The following ZSWIM6 variants were observed in gnomAD, a reference collection of about 807,000 sequenced individuals.
ZSWIM6 encodes zinc finger SWIM-type containing 6, also known as zinc finger SWIM domain-containing protein 6.
ZSWIM6 carries 9 observed loss-of-function variants against 113.2 expected under a neutral mutation model. That is an observed-to-expected ratio of 0.08 (90% CI 0.05 to 0.14). The LOEUF is 0.14. ZSWIM6 is among the 10% of genes least tolerant of loss of function. The pLI is 1.00. For missense variants in ZSWIM6, 1,162 were observed against 1,552.2 expected (o/e 0.75, Z 4.22); for synonymous variants, 611 against 606.5 (o/e 1.01, Z -0.11).
At chr5:61,396,491 A>G (rs982775151) in intron 1 of ZSWIM6, among the ~76,000 whole-genome samples, 3 of 148,318 alleles carry the variant, frequency 2.0e-5, no homozygotes, top group Non-Finnish European at 4.5e-5. Context: ...ACATCGCGCC[A>G]CTGCACTCCA....
At chr5:61,476,148 C>G (rs940562995) in intron 2 of ZSWIM6, among the ~76,000 whole-genome samples, 1 of 151,990 alleles carries the variant, frequency 6.6e-6, no homozygotes, top group African/African-American at 2.4e-5. Context: ...AGGTTTTTCC[C>G]CTTTTTCCTT....
chr5:61,464,961 G>A (rs896855752), intron 1 of ZSWIM6, among the ~76,000 whole-genome samples: 4 of 152,194 alleles, frequency 2.6e-5, no homozygotes, highest in African/African-American at 9.7e-5. Context: ...TGGGACCCAG[G>A]TGAGAGGCCA....
Position 61,523,485 on chromosome 5 carries a change from T to C in ZSWIM6, c.1513+2043T>C, listed in dbSNP as rs1419886988. Among the ~76,000 whole-genome samples the C allele has an allele frequency of 3.9e-5, 6 of 152,332 alleles. No individual in the cohort carries two copies. The South Asian group carries it at 6.2e-4, about 16-fold the overall frequency. On this transcript the variant is annotated intron_variant, in intron 5 of 13. Coordinates refer to ENST00000252744, the MANE Select transcript of ZSWIM6 (RefSeq NM_020928.2). ...TTTTTTTAGTAGAAGAACAAAAATATCTCCTTTTTACTTAATTTCCCAAGT... is the reference window on the plus strand; with the variant it reads ...TTTTTTTAGTAGAAGAACAAAAATACCTCCTTTTTACTTAATTTCCCAAGT...
chr5:61,444,903 C>T (rs896972881), intron 1 of ZSWIM6, among the ~76,000 whole-genome samples: 2 of 152,146 alleles, frequency 1.3e-5, no homozygotes, highest in Non-Finnish European at 2.9e-5. Context: ...TGTCAATATT[C>T]AAGATTTAGC....
intron 3 of ZSWIM6, among the ~76,000 whole-genome samples, chr5:61,491,842 T>C (rs1748186950): frequency 6.6e-6 from 1 of 152,000 alleles, no homozygotes; most frequent in Non-Finnish European, 1.5e-5. Context: ...AGAATTAGAG[T>C]AAATCCTGTT....
At chr5:61,433,878 A>C (rs1382131088) in intron 1 of ZSWIM6, among the ~76,000 whole-genome samples, 1 of 151,598 alleles carries the variant, frequency 6.6e-6, no homozygotes, top group Non-Finnish European at 1.5e-5. Context: ...TTCTGATACA[A>C]ATATCAAACA....
intron 10 of ZSWIM6, 100 bp from the exon 11 acceptor site, chr5:61,538,714 A>C: frequency 7.5e-7 from 1 of 1,336,070 alleles, no homozygotes; most frequent in Non-Finnish European, 1.0e-6. Context: ...TAGAGGCCTG[A>C]ACATCTACCC....
chr5:61,523,147 G>T (rs907671201), intron 5 of ZSWIM6, among the ~76,000 whole-genome samples: 1 of 152,244 alleles, frequency 6.6e-6, no homozygotes, highest in East Asian at 1.9e-4. Context: ...GAAGAGACAT[G>T]CCTACAGAGG....
intron 1 of ZSWIM6, among the ~76,000 whole-genome samples, chr5:61,365,574 T>C (rs1402375958): frequency 6.6e-6 from 1 of 152,232 alleles, no homozygotes; most frequent in East Asian, 1.9e-4. Flanking sequence ...ATATATTTTG[T>C]ATGATCCTTC....
At chr5:61,507,100 C>T (rs1435439794) in intron 4 of ZSWIM6, among the ~76,000 whole-genome samples, 1 of 152,134 alleles carries the variant, frequency 6.6e-6, no homozygotes, top group Non-Finnish European at 1.5e-5. Flanking sequence ...ACCGGCTTCT[C>T]CCCAGTCCCC....
chr5:61,523,320 T>C (rs1482839260), intron 5 of ZSWIM6, among the ~76,000 whole-genome samples: 3 of 152,354 alleles, frequency 2.0e-5, no homozygotes, highest in Non-Finnish European at 4.4e-5. Flanking sequence ...GTTTACACAT[T>C]AGAGTGCATG....
At chr5:61,430,577 T>C (rs1434334207) in intron 1 of ZSWIM6, among the ~76,000 whole-genome samples, 3 of 152,138 alleles carry the variant, frequency 2.0e-5, no homozygotes, top group African/African-American at 4.8e-5. Flanking sequence ...GATTTTTTTT[T>C]CCAACCAAAT....
intron 1 of ZSWIM6, among the ~76,000 whole-genome samples, chr5:61,465,548 G>A (rs1030937697): frequency 1.3e-5 from 2 of 151,682 alleles, no homozygotes; most frequent in South Asian, 4.2e-4. Context: ...ATTATCTAAT[G>A]CCACTCATAT....
At chr5:61,457,054 C>A (rs1747219073) in intron 1 of ZSWIM6, among the ~76,000 whole-genome samples, 1 of 151,790 alleles carries the variant, frequency 6.6e-6, no homozygotes, top group Non-Finnish European at 1.5e-5. Flanking sequence ...ATCCCTCCCC[C>A]ATCCCCCGAC....
At chr5:61,493,075 C>T (rs1230791180) in intron 3 of ZSWIM6, among the ~76,000 whole-genome samples, 2 of 152,000 alleles carry the variant, frequency 1.3e-5, no homozygotes, top group African/African-American at 2.4e-5. Flanking sequence ...TTTCCTTTTT[C>T]CTTTCTTTTA....
chr5:61,439,867 C>T (rs1159308019), intron 1 of ZSWIM6, among the ~76,000 whole-genome samples: 1 of 151,998 alleles, frequency 6.6e-6, no homozygotes, highest in African/African-American at 2.4e-5. Context: ...TTAAAGTTAT[C>T]TATTTTCTCA....
intron 1 of ZSWIM6, among the ~76,000 whole-genome samples, chr5:61,365,590 C>T (rs987384009): frequency 6.6e-6 from 1 of 152,088 alleles, no homozygotes. Flanking sequence ...CCTTCCATTT[C>T]ACCCTCCCTT....
At chr5:61,539,826 T>C in intron 12 of ZSWIM6, 67 bp downstream of exon 12, 1 of 1,449,838 alleles carries the variant, frequency 6.9e-7, no homozygotes. Context: ...TTAGGGTTGT[T>C]TTTGTTTGAT....
chr5:61,382,840 G>GAA (rs1255635618), intron 1 of ZSWIM6, among the ~76,000 whole-genome samples: 38 of 151,922 alleles, frequency 2.5e-4, no homozygotes, highest in African/African-American at 8.9e-4. Context: ...AAGAAAGAAA[G>GAA]AAAGAATTTG....
Sources: allele counts gnomAD v4.1 joint callset (sites outside exome capture counted in the v4.1 genomes callset), GRCh38; gene constraint gnomAD v4.1.1; transcripts MANE v1.5; gene names NCBI Gene and HGNC (gene_info 2026-07-23, HGNC 2026-07-21).